Variants in CAPRIN2 observed in about 807,000 individuals in gnomAD.
CAPRIN2 encodes caprin-2.
In CAPRIN2, 66 loss-of-function variants were observed where a neutral mutation model predicts 130.4. The ratio of observed to expected loss-of-function variants is 0.51; its 90% CI spans 0.42 to 0.62. CAPRIN2 has a LOEUF of 0.62. CAPRIN2 is among the 20% of genes least tolerant of loss of function. The pLI is 0.00. For synonymous variants in CAPRIN2, 471 were observed against 444.1 expected, an observed-to-expected ratio of 1.06 and a Z score of -0.76; for missense variants, 1,185 against 1,246.6, an observed-to-expected ratio of 0.95 and a Z score of 0.74.
At chr12:30,713,811 A>G (rs1565542485) in exon 15 of CAPRIN2, 2 of 1,608,604 alleles carry the variant, frequency 1.2e-6, no homozygotes, top group South Asian at 2.2e-5. Context: ...GCTCCAGAAT[A>G]CTCTCTAGCT....
intron 8 of CAPRIN2, chr12:30,728,362 G>A (rs6487934): frequency 0.3 from 81,111 of 274,766 alleles, 12,525 homozygotes; most frequent in Middle Eastern, 0.33. Context: ...AGGCCATCCT[G>A]GCTAACACAG....
chr12:30,735,067 T>G, exon 4 of CAPRIN2: 3 of 1,613,972 alleles, frequency 1.9e-6, no homozygotes, highest in Admixed American at 1.7e-5. Context: ...CAAACCCCCT[T>G]TGAAGTCTTT....
exon 17 of CAPRIN2, chr12:30,709,913 AAAG>A: frequency 6.2e-7 from 1 of 1,606,142 alleles, no homozygotes; most frequent in Non-Finnish European, 8.5e-7. Flanking sequence ...CAATCTTGAT[AAAG>A]AAGATAGCCT....
chr12:30,711,145 G>C (rs1036476738), intron 16 of CAPRIN2, among the ~76,000 whole-genome samples: 2 of 152,106 alleles, frequency 1.3e-5, no homozygotes, highest in Non-Finnish European at 2.9e-5. Context: ...ATTTTAAAAA[G>C]TGTTATAACT....
chr12:30,736,674 T>C (rs1035009379), intron 3 of CAPRIN2, among the ~76,000 whole-genome samples: 1 of 152,170 alleles, frequency 6.6e-6, no homozygotes, highest in Admixed American at 6.5e-5. Flanking sequence ...TGGTTGAAGG[T>C]TGCATGGGCA....
intron 2 of CAPRIN2, among the ~76,000 whole-genome samples, chr12:30,741,412 T>C (rs943914496): frequency 6.6e-6 from 1 of 152,130 alleles, no homozygotes; most frequent in Non-Finnish European, 1.5e-5. Flanking sequence ...ACTGAGCCAA[T>C]AGGATTTCTC....
chr12:30,718,934 G>T (rs1029887158), intron 12 of CAPRIN2, 145 bp downstream of exon 14: 1 of 832,706 alleles, frequency 1.2e-6, no homozygotes, highest in Non-Finnish European at 1.8e-6. Flanking sequence ...AACAAGTACT[G>T]CCATTGGCCA....
intron 14 of CAPRIN2, among the ~76,000 whole-genome samples, chr12:30,714,266 C>CAA (rs2056599934): frequency 6.6e-6 from 1 of 152,172 alleles, no homozygotes; most frequent in African/African-American, 2.4e-5. Context: ...ACTGTAACCT[C>CAA]AAACTGTTGG....
exon 8 of CAPRIN2, chr12:30,728,896 G>C: frequency 1.2e-6 from 2 of 1,614,142 alleles, no homozygotes; most frequent in South Asian, 2.2e-5. Flanking sequence ...CAAGACTTTG[G>C]AGTTTGCTTC....
chr12:30,713,566 A>C (rs759137336), intron 15 of CAPRIN2, among the ~76,000 whole-genome samples: 1 of 152,204 alleles, frequency 6.6e-6, no homozygotes, highest in Non-Finnish European at 1.5e-5. Context: ...TAATGTCCTT[A>C]ACACCTTCTA....
intron 14 of CAPRIN2, 122 bp downstream of exon 16, chr12:30,714,837 A>G: frequency 1.5e-6 from 1 of 671,786 alleles, no homozygotes; most frequent in Non-Finnish European, 2.5e-6. Context: ...TTATCCACAA[A>G]CAGGAAATTC....
At chr12:30,728,561 A>AG in intron 8 of CAPRIN2, 87 bp downstream of exon 9, 1 of 1,200,230 alleles carries the variant, frequency 8.3e-7, no homozygotes, top group Non-Finnish European at 1.1e-6. Flanking sequence ...TCTCAAAAAA[A>AG]AAAAAAAAAG....
At chr12:30,747,989 C>T (rs1279363471) in intron 2 of CAPRIN2, among the ~76,000 whole-genome samples, 1 of 152,212 alleles carries the variant, frequency 6.6e-6, no homozygotes, top group Non-Finnish European at 1.5e-5. Context: ...ATATGACTAA[C>T]TGCTGCAATC....
chr12:30,725,972 A>G, exon 9 of CAPRIN2: 2 of 1,587,740 alleles, frequency 1.3e-6, no homozygotes, highest in Non-Finnish European at 1.7e-6. Context: ...ATACTTGCAT[A>G]AAGTTACAAG....
At chr12:30,726,062 T>A in exon 9 of CAPRIN2, 1 of 1,584,916 alleles carries the variant, frequency 6.3e-7, no homozygotes, top group African/African-American at 1.4e-5. Context: ...AGGAAGAACC[T>A]ACAGGCTGAT....
chr12:30,728,844 C>T lies in CAPRIN2; in HGVS notation c.1586G>A (p.Trp529Ter). 1 of 1,614,084 alleles carries T rather than the reference C, an allele frequency of 6.2e-7. No homozygotes were observed. Among genetic ancestry groups the T allele is most frequent in the Non-Finnish European group, 8.5e-7 (1 of 1,179,962 alleles). The change falls in exon 8 of 17, where the codon TGG (tryptophan) becomes TAG (stop). Residue 529 changes from tryptophan to a stop codon, truncating the protein, a stop_gained. Coordinates refer to ENST00000298892, the Ensembl canonical transcript of CAPRIN2. LOFTEE classifies it high-confidence loss of function. ...CTGTTCTTCACACATGGGAGTGGTC[C>T]ATGACTTGGTGGTGTTCTGTTCGCT...
At chr12:30,717,715 G>C (rs1565562631) in intron 12 of CAPRIN2, among the ~76,000 whole-genome samples, 1 of 152,020 alleles carries the variant, frequency 6.6e-6, no homozygotes, top group East Asian at 1.9e-4. Context: ...GCTATACAAG[G>C]GTAAGGGGTC....
At chr12:30,718,962 C>G in intron 12 of CAPRIN2, 117 bp downstream of exon 14, 1 of 1,159,618 alleles carries the variant, frequency 8.6e-7, no homozygotes, top group Non-Finnish European at 1.2e-6. Context: ...TTCTACCAAC[C>G]CAAATAAATT....
intron 9 of CAPRIN2, 107 bp downstream of exon 10, chr12:30,725,859 C>T (rs2060774932): frequency 1.0e-6 from 1 of 953,426 alleles, no homozygotes. Flanking sequence ...TAGGAGGCAG[C>T]AGAGCCAGGA....
Sources: gnomAD v4.1 joint callset for allele counts (sites outside exome capture counted in the v4.1 genomes callset) on GRCh38, gnomAD v4.1.1 for gene constraint, MANE v1.5 for transcripts, NCBI Gene and HGNC (gene_info 2026-07-23, HGNC 2026-07-21) for gene names.